USP54: variants seen among roughly 807,000 people sequenced by gnomAD.
The protein encoded by USP54 is ubiquitin carboxyl-terminal hydrolase 54.
A neutral mutation model predicts 170.5 loss-of-function variants in USP54; 87 were observed. The ratio of observed to expected loss-of-function variants is 0.51; its 90% confidence interval spans 0.43 to 0.61. The LOEUF is 0.61. Ranked by LOEUF, USP54 falls within the 20% of genes least tolerant of loss-of-function variation. The pLI is 0.00. For missense variants in USP54, 1,786 were observed against 2,047.8 expected, an observed-to-expected ratio of 0.87 and a Z score of 2.47; for synonymous variants, 655 against 742.8, an observed-to-expected ratio of 0.88 and a Z score of 1.92.
chr10:73,558,587 A>G lies in USP54; in HGVS notation c.240+12834T>C, dbSNP rs569949858. Reference sequence around the variant, plus strand: ...GGAAAGGCAAGTCCCTCATCTAAACATCAGACTAAGGGAAAGTTGGCCAGC... The same window carrying G: ...GGAAAGGCAAGTCCCTCATCTAAACGTCAGACTAAGGGAAAGTTGGCCAGC... On this transcript the variant is annotated intron_variant, in intron 4 of 23. Transcript: ENST00000687698. Among the ~76,000 whole-genome samples the G allele has an allele frequency of 9.2e-5, 14 of 152,318 alleles. No individual in the cohort carries two copies. In the East Asian group the frequency reaches 2.7e-3, roughly 29 times the overall value.
chr10:73,593,620 T>C (rs189283903), upstream of USP54, among the ~76,000 whole-genome samples: 1 of 152,254 alleles, frequency 6.6e-6, no homozygotes, highest in East Asian at 1.9e-4. Context: ...AGGGAATATG[T>C]AACACCACAA....
In USP54 at chr10:73,555,771, A is replaced by G. The variant is rs553617918; in HGVS notation, c.241-10099T>C. Reference sequence around the variant, plus strand: ...AAACTGAAAGGGGACACCCTTCTGGATATGCACAAGGTTTTGAGATTGTCT... The same window carrying G: ...AAACTGAAAGGGGACACCCTTCTGGGTATGCACAAGGTTTTGAGATTGTCT... On this transcript the variant is annotated intron_variant, in intron 4 of 23. Transcript: ENST00000687698. 2.6e-5 allele frequency among the ~76,000 whole-genome samples: 4 copies of G among 152,318 alleles called. No homozygotes were observed. In the South Asian group the frequency reaches 6.2e-4, roughly 24 times the overall value.
rs532668984 is a variant in USP54, at chr10:73,517,190, G to A, written c.3236C>T (p.Ala1079Val). 1.7e-5 allele frequency: 27 copies of A among 1,614,216 alleles called. No homozygotes were observed. In the South Asian group the frequency reaches 2.9e-4, roughly 17 times the overall value. The change falls in exon 20 of 24, where the codon GCT (alanine) becomes GTT (valine). Residue 1079 changes from alanine to valine, a missense_variant. By Grantham distance (64) the Ala-to-Val change is moderately conservative. Transcript: ENST00000687698. Reference sequence around the variant, plus strand: ...AGGACAGTGAAGCACAAATGAAGAAGCAACAGGCATTATGGGGTGGCAGGT... The same window carrying A: ...AGGACAGTGAAGCACAAATGAAGAAACAACAGGCATTATGGGGTGGCAGGT... ...YRTCHPIMPV[A>V]SSFVLHCPDP...
At chr10:73,624,818 T>C (rs1015080112) in intron 1 of USP54, among the ~76,000 whole-genome samples, 1 of 152,184 alleles carries the variant, frequency 6.6e-6, no homozygotes, top group Non-Finnish European at 1.5e-5. Flanking sequence ...TATTTCAACA[T>C]TGAGACATTC....
chr10:73,535,328 G>A (rs987292157), intron 11 of USP54, among the ~76,000 whole-genome samples: 2 of 152,032 alleles, frequency 1.3e-5, no homozygotes, highest in Non-Finnish European at 2.9e-5. Flanking sequence ...TAGGACAAAT[G>A]GGTATTTGAC....
intron 1 of USP54, among the ~76,000 whole-genome samples, chr10:73,587,228 C>T (rs1297637208): frequency 6.6e-6 from 1 of 151,822 alleles, no homozygotes; most frequent in Non-Finnish European, 1.5e-5. Flanking sequence ...AATCCCAGCA[C>T]TTTGGGAGGC....
chr10:73,591,784 G>A (rs16930733), upstream of USP54, among the ~76,000 whole-genome samples: 5,366 of 152,126 alleles, frequency 0.035, 154 homozygotes, highest in South Asian at 0.11. Context: ...AGGAGCACGA[G>A]AAGACAACAT....
chr10:73,506,050 T>C (rs2059079239), intron 20 of USP54: 2 of 152,222 alleles, frequency 1.3e-5, no homozygotes, highest in African/African-American at 2.4e-5. Flanking sequence ...TTCTAAAGTA[T>C]CTGTGGTGAC....
At chr10:73,520,280 CTT>C (rs921570419) in intron 18 of USP54, among the ~76,000 whole-genome samples, 1 of 152,188 alleles carries the variant, frequency 6.6e-6, no homozygotes, top group African/African-American at 2.4e-5. Context: ...GATTGCCACT[CTT>C]GTCCTTTGCA....
At chr10:73,597,571 C>T (rs372512810) in intron 1 of USP54, among the ~76,000 whole-genome samples, 1 of 152,202 alleles carries the variant, frequency 6.6e-6, no homozygotes, top group Non-Finnish European at 1.5e-5. Context: ...ACACTCCCCA[C>T]TCTCTGGCCC....
intron 22 of USP54, among the ~76,000 whole-genome samples, chr10:73,501,599 A>T (rs937477446): frequency 2.6e-5 from 4 of 152,236 alleles, no homozygotes; most frequent in African/African-American, 9.6e-5. Flanking sequence ...TGGGTTTTAT[A>T]TTTAAATTCA....
At chr10:73,556,855 T>C (rs1274522027) in intron 4 of USP54, among the ~76,000 whole-genome samples, 1 of 152,096 alleles carries the variant, frequency 6.6e-6, no homozygotes, top group Non-Finnish European at 1.5e-5. Flanking sequence ...CAGGATACCT[T>C]ATATACGAAA....
chr10:73,529,368 C>T (rs2063557710), intron 15 of USP54: 2 of 370,332 alleles, frequency 5.4e-6, no homozygotes, highest in Admixed American at 7.6e-5. Context: ...ATGTGGGTAA[C>T]AAAATAATCT....
Position 73,504,991 on chromosome 10 carries a change from C to A in USP54, c.4171-1G>T, listed in dbSNP as rs758958987. On this transcript the variant is annotated splice_acceptor_variant, in intron 21 of 23. Coordinates refer to ENST00000687698, the MANE Select transcript of USP54 (RefSeq NM_001391956.1). LOFTEE classifies it high-confidence loss of function. ...TGCTGAGGCCTCGGCAAGGTGTAGC[C>A]TTCAAACACACAGACACATACAGGC... The A allele has an allele frequency of 1.2e-6, 2 of 1,614,122 alleles. No homozygotes were observed. Among genetic ancestry groups the A allele is most frequent in the Non-Finnish European group, 1.7e-6 (2 of 1,180,018 alleles).
At chr10:73,552,162 T>C (rs975037621) in intron 4 of USP54, among the ~76,000 whole-genome samples, 3 of 152,206 alleles carry the variant, frequency 2.0e-5, no homozygotes, top group Non-Finnish European at 4.4e-5. Context: ...ATTATTTAAC[T>C]TCTTAAGGCT....
intron 22 of USP54, 54 bp from the exon 23 acceptor site, chr10:73,500,892 G>GATGT: frequency 1.3e-6 from 2 of 1,545,210 alleles, no homozygotes; most frequent in Non-Finnish European, 1.7e-6. Context: ...CACAAAGCAG[G>GATGT]ATGTAGTTGG....
At chr10:73,578,060 C>G (rs1341875780) in intron 1 of USP54, among the ~76,000 whole-genome samples, 1 of 152,170 alleles carries the variant, frequency 6.6e-6, no homozygotes, top group Non-Finnish European at 1.5e-5. Context: ...TCAGCCTGCC[C>G]TATGACACAC....
At chr10:73,586,391 T>C (rs1388132869) in intron 1 of USP54, among the ~76,000 whole-genome samples, 1 of 152,210 alleles carries the variant, frequency 6.6e-6, no homozygotes, top group African/African-American at 2.4e-5. Context: ...TTCATCCTCC[T>C]CTGTGCTCTC....
intron 1 of USP54, among the ~76,000 whole-genome samples, chr10:73,607,553 G>A (rs975687444): frequency 3.9e-5 from 6 of 152,050 alleles, no homozygotes; most frequent in Middle Eastern, 3.4e-3. Flanking sequence ...GAAGTAGGCC[G>A]GGTACGGTGG....
Sources: gnomAD v4.1 joint callset for allele counts (sites outside exome capture counted in the v4.1 genomes callset) on GRCh38, gnomAD v4.1.1 for gene constraint, MANE v1.5 for transcripts, NCBI Gene and HGNC (gene_info 2026-07-23, HGNC 2026-07-21) for gene names.